C8orf34: variants seen among roughly 807,000 people sequenced by gnomAD.
C8orf34 encodes the protein uncharacterized protein C8orf34.
Under a neutral mutation model 68.3 loss-of-function variants are expected in C8orf34, and 65 were observed. The observed-to-expected ratio is 0.95, with a 90% CI of 0.78 to 1.17. The LOEUF is 1.17. C8orf34 is among the 50% of genes most tolerant of loss of function. The probability of loss-of-function intolerance (pLI) is 0.00; values close to 1 mark genes in which losing one functional copy is unlikely to be tolerated. For missense variants in C8orf34, 664 were observed against 655.4 expected, an observed-to-expected ratio of 1.01 and a Z score of -0.14; for synonymous variants, 244 against 241.2, an observed-to-expected ratio of 1.01 and a Z score of -0.11.
At chr8:68,375,014 T>G (rs1247853884) in intron 1 of C8orf34, among the ~76,000 whole-genome samples, 1 of 152,214 alleles carries the variant, frequency 6.6e-6, no homozygotes, top group Admixed American at 6.5e-5. Context: ...TCTTTCTTCA[T>G]GTAGGAAAAG....
chr8:68,626,883 A>G (rs1301885371), intron 7 of C8orf34, among the ~76,000 whole-genome samples: 1 of 152,214 alleles, frequency 6.6e-6, no homozygotes, highest in African/African-American at 2.4e-5. Context: ...CAAAAATTCC[A>G]TAAATAAAAT....
chr8:68,634,681 G>C (rs1324563814), intron 7 of C8orf34, among the ~76,000 whole-genome samples: 4 of 152,048 alleles, frequency 2.6e-5, no homozygotes, highest in Non-Finnish European at 5.9e-5. Context: ...TAGATTATTA[G>C]TATCCTTCCA....
chr8:68,460,208 C>A (rs1811740593), intron 3 of C8orf34, among the ~76,000 whole-genome samples: 1 of 152,184 alleles, frequency 6.6e-6, no homozygotes, highest in African/African-American at 2.4e-5. Context: ...AGTCTGAGAT[C>A]AAACTGCAAG....
intron 8 of C8orf34, among the ~76,000 whole-genome samples, chr8:68,675,321 A>G (rs981314516): frequency 2.6e-5 from 4 of 152,204 alleles, no homozygotes; most frequent in African/African-American, 9.7e-5. Flanking sequence ...TTGAGTAGAA[A>G]AACTAAAAAG....
intron 4 of C8orf34, among the ~76,000 whole-genome samples, chr8:68,472,117 T>C (rs1244090229): frequency 6.6e-6 from 1 of 152,128 alleles, no homozygotes; most frequent in African/African-American, 2.4e-5. Flanking sequence ...ACTGTGGCAA[T>C]CTGCATGATA....
At chr8:68,713,838 C>T (rs913226490) in intron 9 of C8orf34, among the ~76,000 whole-genome samples, 6 of 151,902 alleles carry the variant, frequency 3.9e-5, no homozygotes, top group East Asian at 1.9e-4. Flanking sequence ...GGACATAACA[C>T]GAAAAGAAAA....
At chr8:68,524,358 A>G (rs1331897823) in intron 6 of C8orf34, among the ~76,000 whole-genome samples, 2 of 152,190 alleles carry the variant, frequency 1.3e-5, no homozygotes, top group Non-Finnish European at 2.9e-5. Context: ...GAAGAGGTTA[A>G]TAAGTATGTT....
rs559340672 is a variant in C8orf34, at chr8:68,498,949, G to A, written c.765+10898G>A. 3.3e-5 allele frequency among the ~76,000 whole-genome samples: 5 copies of A among 152,250 alleles called. No individual in the cohort carries two copies. The East Asian group carries it at 9.7e-4, about 29-fold the overall frequency. Reference sequence around the variant, plus strand: ...ATATCTTTTTTTAAAAATCACTTCAGGGGGTACATGTGCAGGTTTGTTATG... The same window carrying A: ...ATATCTTTTTTTAAAAATCACTTCAAGGGGTACATGTGCAGGTTTGTTATG... On this transcript the variant is annotated intron_variant, in intron 5 of 13. Coordinates refer to ENST00000518698, the MANE Select transcript of C8orf34 (RefSeq NM_052958.4).
chr8:68,679,801 ACAAAGGTGC>A (rs1820311988), intron 8 of C8orf34, among the ~76,000 whole-genome samples: 1 of 152,220 alleles, frequency 6.6e-6, no homozygotes, highest in Non-Finnish European at 1.5e-5. Context: ...CTCGTTTTCA[ACAAAGGTGC>A]CAAGAACATG....
intron 5 of C8orf34, among the ~76,000 whole-genome samples, chr8:68,497,255 C>T (rs1251666875): frequency 6.6e-6 from 1 of 152,058 alleles, no homozygotes; most frequent in African/African-American, 2.4e-5. Flanking sequence ...GAAAAAAATC[C>T]TCTTAACTAC....
chr8:68,809,136 C>A (rs1029745934), intron 12 of C8orf34, among the ~76,000 whole-genome samples: 2 of 152,248 alleles, frequency 1.3e-5, no homozygotes, highest in Non-Finnish European at 2.9e-5. Flanking sequence ...CACTCAAGTG[C>A]ATCTACAGTT....
chr8:68,353,636 A>ATT (rs35184810), intron 1 of C8orf34, among the ~76,000 whole-genome samples: 4 of 114,830 alleles, frequency 3.5e-5, no homozygotes, highest in Non-Finnish European at 5.8e-5. Context: ...TTATATATAT[A>ATT]TTATATATAT....
intron 1 of C8orf34, among the ~76,000 whole-genome samples, chr8:68,382,400 A>T (rs781580634): frequency 2.6e-5 from 4 of 152,240 alleles, no homozygotes; most frequent in African/African-American, 4.8e-5. Flanking sequence ...TTATACAATG[A>T]ACTAAAGTAA....
Position 68,577,164 on chromosome 8 carries a change from G to A in C8orf34, c.1105+44015G>A, listed in dbSNP as rs144705818. ...AACCTAGTCAATGAGGTTTCTCCAA[G>A]GCGCAGGTATTGCTAATTGAGAAAA... On this transcript the variant is annotated intron_variant, in intron 7 of 13. Coordinates refer to ENST00000518698, the MANE Select transcript of C8orf34 (RefSeq NM_052958.4). Among the ~76,000 whole-genome samples, 298 of 152,050 alleles carry A rather than the reference G, an allele frequency of 2.0e-3. 4 individuals are homozygous for A. The East Asian group carries it at 0.021, about 11-fold the overall frequency.
chr8:68,509,561 T>C (rs1282300893), intron 5 of C8orf34, among the ~76,000 whole-genome samples: 1 of 151,998 alleles, frequency 6.6e-6, no homozygotes, highest in Admixed American at 6.5e-5. Context: ...GTTCTCATAG[T>C]ACAGAGACAC....
intron 8 of C8orf34, among the ~76,000 whole-genome samples, chr8:68,705,246 A>G (rs1031947404): frequency 3.3e-5 from 5 of 152,158 alleles, no homozygotes; most frequent in African/African-American, 1.2e-4. Flanking sequence ...AAATATCTCA[A>G]CCTATATGAA....
intron 5 of C8orf34, among the ~76,000 whole-genome samples, chr8:68,508,329 A>T (rs148460174): frequency 1.5e-3 from 229 of 152,334 alleles, no homozygotes; most frequent in African/African-American, 5.1e-3. Context: ...TTAATGGCAC[A>T]TAACACTGGT....
At chr8:68,366,690 G>T (rs1208790748) in intron 1 of C8orf34, among the ~76,000 whole-genome samples, 1 of 145,824 alleles carries the variant, frequency 6.9e-6, no homozygotes, top group Non-Finnish European at 1.5e-5. Flanking sequence ...AAACTGGCTA[G>T]CCATATGTAG....
chr8:68,460,588 G>C (rs1811767529), intron 3 of C8orf34, among the ~76,000 whole-genome samples: 1 of 152,166 alleles, frequency 6.6e-6, no homozygotes. Flanking sequence ...ACCCCTCTGA[G>C]ACAAAACTTC....
Sources: gnomAD v4.1 joint callset for allele counts (sites outside exome capture counted in the v4.1 genomes callset) on GRCh38, gnomAD v4.1.1 for gene constraint, MANE v1.5 for transcripts, NCBI Gene and HGNC (gene_info 2026-07-23, HGNC 2026-07-21) for gene names.